NHLRC2: variants seen among roughly 807,000 people sequenced by gnomAD.
The protein encoded by NHLRC2 is NHL repeat-containing protein 2.
NHLRC2 carries 33 observed loss-of-function variants against 68.1 expected under a neutral mutation model. The ratio of observed to expected loss-of-function variants is 0.48; its 90% CI spans 0.37 to 0.65. NHLRC2 has a LOEUF of 0.65. NHLRC2 is among the 30% of genes least tolerant of loss of function. The pLI, the probability that NHLRC2 is intolerant of heterozygous loss-of-function variation, is 0.00. For synonymous variants in NHLRC2, 311 were observed against 309.6 expected (o/e 1.00, Z -0.05); for missense variants, 761 against 853.8 (o/e 0.89, Z 1.35).
intron 5 of NHLRC2, among the ~76,000 whole-genome samples, chr10:113,891,609 T>C (rs865962233): frequency 1.3e-5 from 2 of 152,182 alleles, no homozygotes; most frequent in South Asian, 4.1e-4. Context: ...CCTCAGTACA[T>C]GGGCCTAGAT....
At position 113,913,014 on chromosome 10, in the gene NHLRC2, G is replaced by C. The variant is rs938001568; in HGVS notation, c.*4478G>C. The C allele has an allele frequency of 6.6e-6, 1 of 152,118 alleles. No homozygotes were observed. The highest frequency in any genetic ancestry group is 1.5e-5 in the Non-Finnish European group (1 of 68,012). 9.4% of individuals were successfully genotyped at this position (152,118 alleles called of 1,614,324 possible). On this transcript the variant is annotated 3_prime_UTR_variant, in exon 11 of 11. Coordinates refer to ENST00000369301, the MANE Select transcript of NHLRC2 (RefSeq NM_198514.4). ...TATTTATTGAGTAGATATTTATTGA[G>C]TTCTTTCTATTTTCCAGCACTCATC...
chr10:113,912,781 C>T lies in NHLRC2; in HGVS notation c.*4245C>T, dbSNP rs570649179. The stretch of plus-strand genomic sequence containing the variant: ...GTGACGTATCTGAAGAATAGAAAAC[C>T]GGAATAGTGCTCGATGCCTGAAGTG... On this transcript the variant is annotated 3_prime_UTR_variant, in exon 11 of 11. Transcript: ENST00000369301. 8.5e-5 allele frequency: 13 copies of T among 152,222 alleles called. No homozygotes were observed. Among genetic ancestry groups the T allele is most frequent in the African/African-American group, 3.1e-4 (13 of 41,524 alleles). 9.4% of individuals were successfully genotyped at this position (152,222 alleles called of 1,614,324 possible). A position where few individuals can be genotyped will look rare whatever the true frequency, so the allele number is the denominator to read the frequency against.
chr10:113,860,105 G>A (rs147859429), intron 2 of NHLRC2, among the ~76,000 whole-genome samples: 3 of 152,270 alleles, frequency 2.0e-5, no homozygotes, highest in East Asian at 1.9e-4. Flanking sequence ...ATTGTATAGC[G>A]TTCTTAATAG....
intron 8 of NHLRC2, 115 bp from the exon 9 acceptor site, chr10:113,903,412 C>T (rs1159327343): frequency 1.6e-5 from 11 of 693,220 alleles, no homozygotes; most frequent in Non-Finnish European, 2.6e-5. Context: ...TTTTGTGAGA[C>T]TTATTGAGAA....
intron 5 of NHLRC2, among the ~76,000 whole-genome samples, chr10:113,886,499 G>A (rs1846083764): frequency 6.6e-6 from 1 of 152,138 alleles, no homozygotes; most frequent in African/African-American, 2.4e-5. Flanking sequence ...TGAAGCTATT[G>A]TAATCAAAAT....
chr10:113,892,274 C>A (rs1258354973), intron 5 of NHLRC2, among the ~76,000 whole-genome samples: 2 of 152,102 alleles, frequency 1.3e-5, no homozygotes, highest in African/African-American at 4.8e-5. Flanking sequence ...TGTCTAATCT[C>A]TACTGATAAT....
intron 10 of NHLRC2, among the ~76,000 whole-genome samples, chr10:113,905,706 C>G (rs908863982): frequency 3.3e-5 from 5 of 152,192 alleles, no homozygotes; most frequent in Non-Finnish European, 5.9e-5. Flanking sequence ...CCAACTCCTC[C>G]TCCTTCATAC....
chr10:113,905,857 C>T (rs1846270939), intron 10 of NHLRC2, among the ~76,000 whole-genome samples: 1 of 152,268 alleles, frequency 6.6e-6, no homozygotes, highest in South Asian at 2.1e-4. Flanking sequence ...ATAACGGTAT[C>T]TTGGTAGACT....
intron 1 of NHLRC2, among the ~76,000 whole-genome samples, chr10:113,855,861 T>A (rs549249553): frequency 1.2e-4 from 18 of 152,252 alleles, no homozygotes; most frequent in African/African-American, 4.3e-4. Flanking sequence ...ATTACCTTAT[T>A]CAATTACCTC....
intron 6 of NHLRC2, among the ~76,000 whole-genome samples, chr10:113,898,712 T>C (rs1166762922): frequency 6.6e-6 from 1 of 152,214 alleles, no homozygotes; most frequent in Non-Finnish European, 1.5e-5. Context: ...AACAGTTGAA[T>C]ACCACATAGC....
rs895388004 is a variant in NHLRC2, at chr10:113,876,801, C to G, written c.612C>G (p.Ile204Met). 3.7e-6 allele frequency: 6 copies of G among 1,612,114 alleles called. No individual in the cohort carries two copies. The highest frequency in any genetic ancestry group is 5.1e-6 in the Non-Finnish European group (6 of 1,178,516). Reference protein sequence around the residue: ...ALKYYKDRGQIRDNKIGIKLY... With the variant: ...ALKYYKDRGQMRDNKIGIKLY... The stretch of plus-strand genomic sequence containing the variant: ...AGTATTACAAAGACAGGGGGCAGAT[C>G]AGAGATAATAAAATTGGAATAAAAC... The change falls in exon 3 of 11, where the codon ATC becomes ATG. Residue 204 changes from isoleucine (I) to methionine (M), a missense_variant. Ile to Met is a conservative substitution (Grantham distance 10). Transcript: ENST00000369301.
chr10:113,863,364 A>C (rs998722042), intron 2 of NHLRC2, among the ~76,000 whole-genome samples: 1 of 152,160 alleles, frequency 6.6e-6, no homozygotes, highest in African/African-American at 2.4e-5. Flanking sequence ...CTCTTAAATA[A>C]CCAGTGGACC....
intron 6 of NHLRC2, among the ~76,000 whole-genome samples, chr10:113,900,588 T>A (rs1054876147): frequency 2.6e-5 from 4 of 152,202 alleles, no homozygotes; most frequent in African/African-American, 9.6e-5. Flanking sequence ...TTAAAAGTTA[T>A]TGTTTCTCCC....
rs1244664277 is a variant in NHLRC2 at position 113,915,051 on chromosome 10, A to T, written c.*6515A>T. On this transcript the variant is annotated 3_prime_UTR_variant, in exon 11 of 11. Transcript: ENST00000369301. ...TCTGATTGCATCCCACCTGTTTCTG[A>T]GTGTGTTGGTTTGGTTTAATTCTTT... 2.2e-6 allele frequency: 1 copy of T among 456,060 alleles called. No homozygotes were observed. Among genetic ancestry groups the T allele is most frequent in the Non-Finnish European group, 4.4e-6 (1 of 226,926 alleles). The allele number at this position is 456,060 out of a possible 1,614,324, so 28.3% of individuals were successfully genotyped here.
chr10:113,917,154 CA>C lies in NHLRC2; in HGVS notation c.*8619del, dbSNP rs1310194338. 6.6e-6 allele frequency: 1 copy of C among 152,080 alleles called. No homozygotes were observed. Among genetic ancestry groups the C allele is most frequent in the Non-Finnish European group, 1.5e-5 (1 of 67,984 alleles). 9.4% of individuals were successfully genotyped at this position (152,080 alleles called of 1,614,324 possible). On this transcript the variant is annotated 3_prime_UTR_variant, in exon 11 of 11. Coordinates refer to ENST00000369301, the MANE Select transcript of NHLRC2 (RefSeq NM_198514.4). ...AATGCCTCTTTTCTAAAGCTTTGTA[CA>C]TTTTTTTCGTGAAATAGATTAAATA...
At chr10:113,892,514 T>G (rs999996552) in intron 5 of NHLRC2, among the ~76,000 whole-genome samples, 1 of 152,180 alleles carries the variant, frequency 6.6e-6, no homozygotes, top group African/African-American at 2.4e-5. Flanking sequence ...CACATTCTTT[T>G]TAGAGGGAAC....
chr10:113,855,188 C>T (rs571220300), intron 1 of NHLRC2, 138 bp downstream of exon 1: 3 of 763,942 alleles, frequency 3.9e-6, no homozygotes, highest in African/African-American at 3.6e-5. Flanking sequence ...TAACTTGGGC[C>T]GCTGTTCGCG....
At chr10:113,907,439 A>G (rs1846286753) in intron 10 of NHLRC2, among the ~76,000 whole-genome samples, 1 of 152,222 alleles carries the variant, frequency 6.6e-6, no homozygotes, top group African/African-American at 2.4e-5. Flanking sequence ...AAAGCATTTC[A>G]TATATTTCCC....
At chr10:113,858,384 C>T in intron 1 of NHLRC2, 144 bp from the exon 2 acceptor site, 1 of 565,250 alleles carries the variant, frequency 1.8e-6, no homozygotes. Flanking sequence ...ATACATGCAA[C>T]TGCCACAGCC....
Sources: allele counts gnomAD v4.1 joint callset (sites outside exome capture counted in the v4.1 genomes callset), GRCh38; gene constraint gnomAD v4.1.1; transcripts MANE v1.5; gene names NCBI Gene and HGNC (gene_info 2026-07-23, HGNC 2026-07-21).